Variants in EPHB2 observed in about 807,000 individuals in gnomAD.
The protein encoded by EPHB2 is EPH receptor B2, also known as ephrin type-B receptor 2.
A neutral mutation model predicts 96.4 loss-of-function variants in EPHB2; 18 were observed. The ratio of observed to expected loss-of-function variants is 0.19; its 90% CI spans 0.13 to 0.28. The LOEUF is 0.28. EPHB2 is among the 10% of genes least tolerant of loss of function. The pLI is 1.00. For synonymous variants in EPHB2, 506 were observed against 534.1 expected (o/e 0.95, Z 0.72); for missense variants, 989 against 1,355.4 (o/e 0.73, Z 4.25).
At chr1:22,821,670 CCT>C (rs2148474918) in intron 3 of EPHB2, among the ~76,000 whole-genome samples, 1 of 152,352 alleles carries the variant, frequency 6.6e-6, no homozygotes, top group South Asian at 2.1e-4. Context: ...TTCCCATTTT[CCT>C]CTCTCCCTTG....
At chr1:22,764,846 G>C (rs1644285099) in intron 1 of EPHB2, among the ~76,000 whole-genome samples, 2 of 152,190 alleles carry the variant, frequency 1.3e-5, no homozygotes, top group Non-Finnish European at 2.9e-5. Flanking sequence ...CCTGGGTTCT[G>C]CTGCCAGGTT....
At chr1:22,803,621 A>ATATATATGTG (rs1286234917) in intron 3 of EPHB2, among the ~76,000 whole-genome samples, 6 of 2,032 alleles carry the variant, frequency 3.0e-3, no homozygotes, top group African/African-American at 3.7e-3. Context: ...AAAATAATAT[A>ATATATATGTG]TATATATATG....
chr1:22,847,573 G>A (rs35086321), intron 3 of EPHB2, among the ~76,000 whole-genome samples: 45,817 of 152,108 alleles, frequency 0.3, 7,415 homozygotes, highest in Middle Eastern at 0.44. Flanking sequence ...CTGAGGCCAG[G>A]GCAGGTGGGC....
At chr1:22,891,271 CTGAATCTTCATTGTTT>C (rs1184809604) in intron 6 of EPHB2, 19 of 446,430 alleles carry the variant, frequency 4.3e-5, no homozygotes, top group Non-Finnish European at 7.7e-5. Context: ...ATTGCACGCA[CTGAATCTTCATTGTTT>C]TGGGAAGGTT....
In EPHB2 at chr1:22,865,031, C is replaced by G; in HGVS notation, c.1122C>G (p.Arg374=). The G allele has an allele frequency of 6.2e-7, 1 of 1,613,602 alleles. No individual in the cohort carries two copies. Among genetic ancestry groups the G allele is most frequent in the South Asian group, 1.1e-5 (1 of 91,078 alleles). ...GCTCGGGCCGGGGTGCCTGCACCCG[C>G]TGCGGGGACAATGTACAGTACGCAC... ...SCGSGRGACT[R]CGDNVQYAPR... The change falls in exon 5 of 16, where the codon CGC becomes CGG. Residue 374 remains arginine (R), a synonymous_variant. Transcript: ENST00000374630.
chr1:22,759,953 C>T (rs1463816221), intron 1 of EPHB2, among the ~76,000 whole-genome samples: 4 of 152,110 alleles, frequency 2.6e-5, no homozygotes, highest in Non-Finnish European at 5.9e-5. Flanking sequence ...GCCCCGGATC[C>T]CACCCATGCA....
At chr1:22,886,543 G>T (rs1292477969) in intron 6 of EPHB2, among the ~76,000 whole-genome samples, 1 of 152,138 alleles carries the variant, frequency 6.6e-6, no homozygotes, top group East Asian at 1.9e-4. Context: ...GGCTCCCAGG[G>T]GACGCTAAGT....
chr1:22,887,318 G>C (rs1227271495), intron 6 of EPHB2, among the ~76,000 whole-genome samples: 1 of 152,176 alleles, frequency 6.6e-6, no homozygotes, highest in Non-Finnish European at 1.5e-5. Flanking sequence ...ATTTATTCCA[G>C]CAAGTCCACA....
At chr1:22,904,564 C>T (rs1434424950) in intron 9 of EPHB2, among the ~76,000 whole-genome samples, 2 of 152,154 alleles carry the variant, frequency 1.3e-5, no homozygotes, top group Admixed American at 6.5e-5. Flanking sequence ...CAAATACCCA[C>T]ACAAATAATC....
At chr1:22,804,009 C>T (rs1457766574) in intron 3 of EPHB2, among the ~76,000 whole-genome samples, 1 of 152,146 alleles carries the variant, frequency 6.6e-6, no homozygotes, top group Non-Finnish European at 1.5e-5. Context: ...TGGTGCTAGG[C>T]ACATTCCATA....
chr1:22,873,567 G>A lies in EPHB2; in HGVS notation c.1303+8355G>A, dbSNP rs571169083. On this transcript the variant is annotated intron_variant, in intron 5 of 15. Transcript: ENST00000374630. ...GGGCAAAGGGTGTAGATACAGGGGG[G>A]TGATTAATACAACTGGTCTAACAGC... Among the ~76,000 whole-genome samples the A allele has an allele frequency of 1.3e-4, 19 of 150,790 alleles. No homozygotes were observed. The East Asian group carries it at 2.8e-3, about 22-fold the overall frequency.
intron 5 of EPHB2, among the ~76,000 whole-genome samples, chr1:22,879,069 C>T (rs1014846294): frequency 6.6e-6 from 1 of 152,222 alleles, no homozygotes; most frequent in African/African-American, 2.4e-5. Flanking sequence ...TGGAGGCTGC[C>T]TTACCCAGCC....
At chr1:22,798,318 C>T (rs939851691) in intron 3 of EPHB2, among the ~76,000 whole-genome samples, 2 of 152,184 alleles carry the variant, frequency 1.3e-5, no homozygotes, top group South Asian at 2.1e-4. Context: ...ATGGCCAGGG[C>T]GCCCCACAGG....
chr1:22,775,120 T>C, intron 1 of EPHB2: 2 of 765,978 alleles, frequency 2.6e-6, no homozygotes, highest in Non-Finnish European at 4.9e-6. Context: ...CAAGCCCTGA[T>C]GACTTTGTTG....
At chr1:22,857,620 C>T (rs1331316637) in intron 3 of EPHB2, among the ~76,000 whole-genome samples, 1 of 152,070 alleles carries the variant, frequency 6.6e-6, no homozygotes, top group South Asian at 2.1e-4. Context: ...TGGTCAGTAC[C>T]CTGTTCAACA....
chr1:22,811,213 AG>A (rs745406147), intron 3 of EPHB2, among the ~76,000 whole-genome samples: 4 of 152,190 alleles, frequency 2.6e-5, no homozygotes, highest in African/African-American at 4.8e-5. Flanking sequence ...GAATGGGACC[AG>A]CCATCCTGTG....
intron 1 of EPHB2, among the ~76,000 whole-genome samples, chr1:22,751,030 A>G (rs1644054357): frequency 6.6e-6 from 1 of 152,232 alleles, no homozygotes; most frequent in Admixed American, 6.5e-5. Flanking sequence ...TTTACTGATG[A>G]ATTTATTTCC....
intron 5 of EPHB2, among the ~76,000 whole-genome samples, chr1:22,880,960 G>A (rs184342181): frequency 2.0e-5 from 3 of 152,272 alleles, no homozygotes; most frequent in East Asian, 1.9e-4. Flanking sequence ...CAGTTTCCAC[G>A]ACTGCAAAAT....
intron 3 of EPHB2, among the ~76,000 whole-genome samples, chr1:22,830,799 C>T (rs993389644): frequency 5.9e-5 from 9 of 152,170 alleles, no homozygotes; most frequent in Admixed American, 3.9e-4. Context: ...TCATGATCCA[C>T]CCGCCTTGGC....
Sources: allele counts gnomAD v4.1 joint callset (sites outside exome capture counted in the v4.1 genomes callset), GRCh38; gene constraint gnomAD v4.1.1; transcripts MANE v1.5; gene names NCBI Gene and HGNC (gene_info 2026-07-23, HGNC 2026-07-21).